Variants in SOS1 observed in about 807,000 individuals in gnomAD.
SOS1 encodes the protein son of sevenless homolog 1.
Under a neutral mutation model 157.6 loss-of-function variants are expected in SOS1, and 25 were observed. That is an observed-to-expected ratio of 0.16 (90% CI 0.12 to 0.22). SOS1 has a LOEUF of 0.22. SOS1 is among the 10% of genes least tolerant of loss of function. SOS1 has a pLI of 1.00. For synonymous variants in SOS1, 528 were observed against 534.0 expected, an observed-to-expected ratio of 0.99 and a Z score of 0.16; for missense variants, 1,237 against 1,599.1, an observed-to-expected ratio of 0.77 and a Z score of 3.86.
intron 3 of SOS1, among the ~76,000 whole-genome samples, chr2:39,058,314 A>G (rs1671285696): frequency 6.6e-6 from 1 of 152,050 alleles, no homozygotes; most frequent in African/African-American, 2.4e-5. Flanking sequence ...TACACAAAGT[A>G]CTAACATCAA....
intron 1 of SOS1, among the ~76,000 whole-genome samples, chr2:39,105,464 C>G (rs977451922): frequency 3.3e-5 from 5 of 152,074 alleles, no homozygotes; most frequent in Admixed American, 1.3e-4. Flanking sequence ...TACAGTTGGG[C>G]TGCTTAACTC....
chr2:38,985,271 A>G lies in SOS1; in HGVS notation c.*553T>C, dbSNP rs1327891737. 1 of 159,242 alleles carries G rather than the reference A, an allele frequency of 6.3e-6. No individual in the cohort carries two copies. The highest frequency in any genetic ancestry group is 5.9e-5 in the Admixed American group (1 of 16,952). 9.9% of individuals were successfully genotyped at this position (159,242 alleles called of 1,614,324 possible). Reference sequence around the variant, plus strand: ...CAGTTCACCGTAATAATCTGTAAACAGGCCTGTAGTACAGTGCCGGGCCTT... The same window carrying G: ...CAGTTCACCGTAATAATCTGTAAACGGGCCTGTAGTACAGTGCCGGGCCTT... On this transcript the variant is annotated 3_prime_UTR_variant, in exon 23 of 23. Coordinates refer to ENST00000402219, the MANE Select transcript of SOS1 (RefSeq NM_005633.4).
rs200833253 is a variant in SOS1 at position 39,036,467 on chromosome 2, C to CA, written c.865-968dup. 4.2e-3 allele frequency among the ~76,000 whole-genome samples: 634 copies of CA among 152,332 alleles called. 11 individuals are homozygous for CA. In the East Asian group the frequency reaches 0.057, roughly 14 times the overall value. ...CTGGGCTCAAACAATCCTCCCACCT[C>CA]AGTCTCCTGAGTATCTGGGACCACA... is the stretch of plus-strand genomic sequence containing the variant. On this transcript the variant is annotated intron_variant, in intron 6 of 22. Transcript: ENST00000402219.
intron 1 of SOS1, among the ~76,000 whole-genome samples, chr2:39,088,704 T>C (rs1423413335): frequency 6.6e-6 from 1 of 152,240 alleles, no homozygotes; most frequent in Non-Finnish European, 1.5e-5. Context: ...ATGTATATAC[T>C]ACATTTATCT....
intron 3 of SOS1, 47 bp from the exon 4 acceptor site, chr2:39,056,913 T>C (rs1334374711): frequency 8.0e-7 from 1 of 1,253,260 alleles, no homozygotes; most frequent in East Asian, 2.3e-5. Context: ...ATACTGTACA[T>C]TTAACACACT....
At chr2:39,071,734 C>T (rs970501991) in intron 1 of SOS1, among the ~76,000 whole-genome samples, 1 of 152,026 alleles carries the variant, frequency 6.6e-6, no homozygotes, top group Non-Finnish European at 1.5e-5. Context: ...CAAAGAAACC[C>T]ATGTATATAA....
intron 10 of SOS1, among the ~76,000 whole-genome samples, chr2:39,019,726 G>T (rs1024844864): frequency 5.3e-5 from 8 of 151,090 alleles, no homozygotes; most frequent in Admixed American, 3.3e-4. Flanking sequence ...CTAATAATTG[G>T]GTTTTGTAAA....
rs115730313 is a variant in SOS1 at position 39,087,806 on chromosome 2, G to A, written c.88-20053C>T. Among the ~76,000 whole-genome samples the A allele has an allele frequency of 4.6e-3, 698 of 152,140 alleles. 8 individuals are homozygous for A. The highest frequency in any genetic ancestry group is 0.016 in the African/African-American group (672 of 41,488). ...AGGTCCTCCCACCTCGGCCTCTAGC[G>A]TAACTGGGACTACAGGTGTGTGCCA... On this transcript the variant is annotated intron_variant, in intron 1 of 22. Transcript: ENST00000402219.
At chr2:39,074,798 C>T (rs182792579) in intron 1 of SOS1, among the ~76,000 whole-genome samples, 4 of 147,942 alleles carry the variant, frequency 2.7e-5, no homozygotes, top group African/African-American at 5.0e-5. Flanking sequence ...ACCCGGGAGG[C>T]GGAGGTTGTG....
intron 20 of SOS1, 108 bp downstream of exon 20, chr2:38,995,015 A>G: frequency 1.2e-6 from 1 of 855,598 alleles, no homozygotes; most frequent in East Asian, 2.6e-5. Flanking sequence ...ATGGCATTTG[A>G]CTTAACTACA....
chr2:39,083,602 C>T (rs901272453), intron 1 of SOS1, among the ~76,000 whole-genome samples: 4 of 152,044 alleles, frequency 2.6e-5, no homozygotes, highest in African/African-American at 7.2e-5. Context: ...ATAGACTGTT[C>T]TTGGAAAAAG....
At chr2:39,074,571 A>G (rs1671900156) in intron 1 of SOS1, among the ~76,000 whole-genome samples, 1 of 151,710 alleles carries the variant, frequency 6.6e-6, no homozygotes. Context: ...AAAATAAACT[A>G]AAAATATTTT....
intron 20 of SOS1, chr2:38,993,400 A>AT (rs1282132904): frequency 6.6e-6 from 1 of 152,086 alleles, no homozygotes; most frequent in East Asian, 1.9e-4. Flanking sequence ...GCCTCAAGTG[A>AT]TTTTCCCACC....
chr2:38,988,468 A>G (rs1241579425), intron 21 of SOS1, among the ~76,000 whole-genome samples: 3 of 152,178 alleles, frequency 2.0e-5, no homozygotes, highest in Admixed American at 6.5e-5. Flanking sequence ...TACTTAAACC[A>G]TCATTCAAAA....
chr2:39,084,376 G>A (rs548489432), intron 1 of SOS1, among the ~76,000 whole-genome samples: 1 of 151,980 alleles, frequency 6.6e-6, no homozygotes, highest in Non-Finnish European at 1.5e-5. Context: ...ATATATACAC[G>A]TGTATGTGTA....
At chr2:38,993,325 A>G (rs1304227262) in intron 20 of SOS1, 1 of 151,794 alleles carries the variant, frequency 6.6e-6, no homozygotes, top group Non-Finnish European at 1.5e-5. Context: ...CCTCTCAGCT[A>G]ATTTTTTTAT....
intron 6 of SOS1, among the ~76,000 whole-genome samples, chr2:39,046,274 A>T (rs1670780812): frequency 6.6e-6 from 1 of 152,080 alleles, no homozygotes; most frequent in African/African-American, 2.4e-5. Flanking sequence ...ACATGTTTTT[A>T]AAAATAAATA....
chr2:39,106,950 A>G (rs1673215985), intron 1 of SOS1, among the ~76,000 whole-genome samples: 1 of 152,210 alleles, frequency 6.6e-6, no homozygotes, highest in Non-Finnish European at 1.5e-5. Context: ...GGTTTTGCAT[A>G]TTAAGTATTT....
chr2:39,101,735 A>T (rs546230248), intron 1 of SOS1, among the ~76,000 whole-genome samples: 1 of 152,272 alleles, frequency 6.6e-6, no homozygotes, highest in East Asian at 1.9e-4. Flanking sequence ...TTTAATTACC[A>T]GCAGTATATA....
Sources: gnomAD v4.1 joint callset for allele counts (sites outside exome capture counted in the v4.1 genomes callset) on GRCh38, gnomAD v4.1.1 for gene constraint, MANE v1.5 for transcripts, NCBI Gene and HGNC (gene_info 2026-07-23, HGNC 2026-07-21) for gene names.